MAGEC3: variants seen among roughly 807,000 people sequenced by gnomAD.
MAGEC3 encodes the protein melanoma-associated antigen C3.
MAGEC3 carries 34 observed loss-of-function variants against 35.3 expected under a neutral mutation model. The observed-to-expected ratio is 0.96, with a 90% CI of 0.73 to 1.28. The LOEUF (loss-of-function observed/expected upper bound fraction) is 1.28. MAGEC3 is among the 50% of genes most tolerant of loss of function. MAGEC3 has a pLI of 0.00. For missense variants in MAGEC3, 561 were observed against 483.6 expected (o/e 1.16, Z -1.50); for synonymous variants, 202 against 185.6 (o/e 1.09, Z -0.72).
intron 1 of MAGEC3, among the ~76,000 whole-genome samples, chrX:141,840,993 G>A (rs2017682330): frequency 9.0e-6 from 1 of 111,136 alleles, no homozygotes; most frequent in African/African-American, 3.3e-5. Context: ...TAAGTAAGAG[G>A]AAGCATCAGG....
intron 1 of MAGEC3, among the ~76,000 whole-genome samples, chrX:141,855,930 A>T (rs1603057078): frequency 9.0e-6 from 1 of 111,672 alleles, no homozygotes; most frequent in Non-Finnish European, 1.9e-5. Context: ...CAAGTTGGCG[A>T]CTAGAACATC....
At chrX:141,861,971 G>T (rs1279908102) in intron 1 of MAGEC3, among the ~76,000 whole-genome samples, 1 of 111,528 alleles carries the variant, frequency 9.0e-6, no homozygotes, top group African/African-American at 3.3e-5. Context: ...CTCAGCAAAG[G>T]AACCAATAAA....
chrX:141,850,192 CAT>C (rs987544090), intron 1 of MAGEC3, among the ~76,000 whole-genome samples: 5 of 110,567 alleles, frequency 4.5e-5, no homozygotes, highest in Admixed American at 9.7e-5. Context: ...TAGACATAAA[CAT>C]GTGAACAATA....
At chrX:141,882,509 A>G (rs1384294121) in intron 4 of MAGEC3, among the ~76,000 whole-genome samples, 6 of 112,253 alleles carry the variant, frequency 5.3e-5, no homozygotes, top group Admixed American at 3.8e-4. Context: ...TAAATTATGT[A>G]AGAACTCAGC....
intron 2 of MAGEC3, among the ~76,000 whole-genome samples, chrX:141,867,687 CTG>C (rs1385539371): frequency 1.9e-4 from 21 of 112,150 alleles, no homozygotes; most frequent in Admixed American, 5.7e-4. Flanking sequence ...GTTATAGTAA[CTG>C]AGATTTTCTG....
chrX:141,893,857 G>A (rs1454255810), intron 4 of MAGEC3, among the ~76,000 whole-genome samples: 2 of 110,726 alleles, frequency 1.8e-5, no homozygotes, highest in Non-Finnish European at 3.8e-5. Context: ...TACCAATCAG[G>A]AAAAGGCATA....
At chrX:141,864,432 A>G (rs1252435493) in intron 1 of MAGEC3, among the ~76,000 whole-genome samples, 1 of 111,598 alleles carries the variant, frequency 9.0e-6, no homozygotes, top group Non-Finnish European at 1.9e-5. Flanking sequence ...TTTCTGAGTC[A>G]TATGGTAAGT....
intron 3 of MAGEC3, among the ~76,000 whole-genome samples, chrX:141,879,731 CTT>C (rs1168306829): frequency 9.0e-6 from 1 of 110,581 alleles, no homozygotes; most frequent in Non-Finnish European, 1.9e-5. Flanking sequence ...ACAGAAGACT[CTT>C]AGAACTGGCC....
chrX:141,881,032 C>G (rs915067805), intron 3 of MAGEC3, among the ~76,000 whole-genome samples: 3 of 112,335 alleles, frequency 2.7e-5, no homozygotes, highest in Admixed American at 1.9e-4. Flanking sequence ...CTTCCAGAAC[C>G]AAACTGTGAT....
chrX:141,877,309 T>C (rs193189245), intron 2 of MAGEC3, among the ~76,000 whole-genome samples: 28 of 111,727 alleles, frequency 2.5e-4, no homozygotes, highest in African/African-American at 8.8e-4. Flanking sequence ...CCCAGTCTTA[T>C]TTGGTTAAAA....
Position 141,897,129 on chromosome X carries a change from T to A in MAGEC3, c.1371T>A (p.Asp457Glu). ...AATCCTTGCCCAGGTATGCCCTGGA[T>A]GAAAAGGTGGCTGAGTTGGTGCAGT... is the stretch of plus-strand genomic sequence containing the variant. The part of the protein sequence containing the change: ...ESESLPRYAL[D>E]EKVAELVQFL... The change falls in exon 7 of 8, where the codon GAT (aspartate) becomes GAA (glutamate). Residue 457 changes from aspartate (D) to glutamate (E), a missense_variant. By Grantham distance (45) the Asp-to-Glu change is conservative. Transcript: ENST00000298296. The A allele has an allele frequency of 1.7e-6, 2 of 1,211,738 alleles. No homozygotes were observed. Among genetic ancestry groups the A allele is most frequent in the Non-Finnish European group, 2.2e-6 (2 of 895,531 alleles).
intron 3 of MAGEC3, chrX:141,880,838 A>G: frequency 8.8e-7 from 1 of 1,134,403 alleles, no homozygotes; most frequent in Non-Finnish European, 1.2e-6. Flanking sequence ...AAGAGCTGTA[A>G]GCCGGCCTTT....
Position 141,865,451 on chromosome X carries a change from C to T in MAGEC3, c.124-20C>T. The T allele has an allele frequency of 8.3e-7, 1 of 1,199,246 alleles. No individual in the cohort carries two copies. The highest frequency in any genetic ancestry group is 1.1e-6 in the Non-Finnish European group (1 of 888,740). ...AGGTTGCCCCAGCCTAGTCCTGCCC[C>T]TGATATTTGACCTGAGTAGCCCCGG... On this transcript the variant is annotated intron_variant, in intron 1 of 7. Coordinates refer to ENST00000298296, the MANE Select transcript of MAGEC3 (RefSeq NM_138702.1).
At chrX:141,885,395 A>T (rs1358563534) in intron 4 of MAGEC3, among the ~76,000 whole-genome samples, 1 of 110,117 alleles carries the variant, frequency 9.1e-6, no homozygotes, top group Non-Finnish European at 1.9e-5. Flanking sequence ...GGCCGGGCGC[A>T]GTGGCTCATG....
At chrX:141,896,515 A>G (rs781602012) in intron 6 of MAGEC3, 47 of 1,187,549 alleles carry the variant, frequency 4.0e-5, no homozygotes, top group East Asian at 2.1e-4. Context: ...GCTGTAAGCC[A>G]GCCTTTGTCA....
chrX:141,892,045 C>T (rs1367294043), intron 4 of MAGEC3, among the ~76,000 whole-genome samples: 1 of 110,533 alleles, frequency 9.0e-6, no homozygotes, highest in Non-Finnish European at 1.9e-5. Context: ...ATCTACAAGG[C>T]AAGGAGAGAG....
At chrX:141,878,210 A>G (rs2017932487) in intron 2 of MAGEC3, among the ~76,000 whole-genome samples, 1 of 111,022 alleles carries the variant, frequency 9.0e-6, no homozygotes, top group South Asian at 3.8e-4. Flanking sequence ...TGATGTAGGT[A>G]ATGTTTCCTG....
intron 2 of MAGEC3, among the ~76,000 whole-genome samples, chrX:141,878,795 G>A (rs1396720622): frequency 4.5e-5 from 5 of 112,029 alleles, no homozygotes; most frequent in African/African-American, 1.6e-4. Flanking sequence ...CTTCGTCTTG[G>A]GGGGCGTCTC....
chrX:141,887,203 C>T (rs2018008914), intron 4 of MAGEC3, among the ~76,000 whole-genome samples: 3 of 112,558 alleles, frequency 2.7e-5, no homozygotes, highest in African/African-American at 9.7e-5. Flanking sequence ...CTGGCAAGGC[C>T]AGCAATATAC....
Sources: gnomAD v4.1 joint callset for allele counts (sites outside exome capture counted in the v4.1 genomes callset) on GRCh38, gnomAD v4.1.1 for gene constraint, MANE v1.5 for transcripts, NCBI Gene and HGNC (gene_info 2026-07-23, HGNC 2026-07-21) for gene names.